The following ADGRL4 variants were observed in gnomAD, a reference collection of about 807,000 sequenced individuals.
ADGRL4 encodes the protein EGF, latrophilin and seven transmembrane domain containing 1.
Under a neutral mutation model 74.8 loss-of-function variants are expected in ADGRL4, and 90 were observed. That is an observed-to-expected ratio of 1.20 (90% CI 1.02 to 1.43). ADGRL4 has a LOEUF of 1.43. Among genes scored for constraint, ADGRL4 ranks in the 40% most tolerant of loss-of-function variants. ADGRL4 has a pLI of 0.00. For synonymous variants in ADGRL4, 311 were observed against 279.2 expected (o/e 1.11, Z -1.14); for missense variants, 881 against 814.3 (o/e 1.08, Z -1.00).
At chr1:78,946,453 A>G in intron 2 of ADGRL4, 27 bp from the exon 3 acceptor site, 2 of 1,550,426 alleles carry the variant, frequency 1.3e-6, no homozygotes, top group Non-Finnish European at 8.8e-7. Context: ...TTAAAAGATT[A>G]TTTTTATATA....
intron 2 of ADGRL4, among the ~76,000 whole-genome samples, chr1:78,979,567 G>A (rs770871793): frequency 2.6e-5 from 4 of 151,868 alleles, no homozygotes; most frequent in Non-Finnish European, 5.9e-5. Context: ...CAAAGGAAAA[G>A]ATGTCATAAT....
rs369275309 is a variant in ADGRL4 at position 78,950,833 on chromosome 1, G to C, written c.173-4407C>G. On this transcript the variant is annotated intron_variant, in intron 2 of 14. Transcript: ENST00000370742. ...GGTTCTGACTTGGAGCGATCTGGTGGATAAATTGATCCACTTACCAGGACA... is the reference window on the plus strand; with the variant it reads ...GGTTCTGACTTGGAGCGATCTGGTGCATAAATTGATCCACTTACCAGGACA... 3.0e-4 allele frequency among the ~76,000 whole-genome samples: 45 copies of C among 152,262 alleles called. No homozygotes were observed. The East Asian group carries it at 4.8e-3, about 16-fold the overall frequency.
At chr1:78,922,624 C>G (rs1254538788) in intron 8 of ADGRL4, among the ~76,000 whole-genome samples, 2 of 151,900 alleles carry the variant, frequency 1.3e-5, no homozygotes, top group Non-Finnish European at 2.9e-5. Flanking sequence ...GAAATAAAAA[C>G]TATTTAGTTA....
At position 78,936,280 on chromosome 1, in the gene ADGRL4, T is replaced by C; in HGVS notation, c.877+15A>G. 1.3e-6 allele frequency: 2 copies of C among 1,583,568 alleles called. No homozygotes were observed. The highest frequency in any genetic ancestry group is 8.6e-7 in the Non-Finnish European group (1 of 1,168,676). On this transcript the variant is annotated intron_variant, in intron 7 of 14. Transcript: ENST00000370742. ...ATTCATTGATATATTGTCTGTTAGA[T>C]TGTTAAAGTCCTACCATTTGAATCA...
chr1:78,932,742 A>G (rs1159844065), intron 7 of ADGRL4, among the ~76,000 whole-genome samples: 1 of 151,414 alleles, frequency 6.6e-6, no homozygotes, highest in African/African-American at 2.5e-5. Flanking sequence ...TAAGGGGGAT[A>G]TCACCACTGA....
intron 3 of ADGRL4, among the ~76,000 whole-genome samples, chr1:78,945,215 C>T (rs1345039197): frequency 3.4e-5 from 5 of 145,886 alleles, no homozygotes; most frequent in Non-Finnish European, 3.0e-5. Flanking sequence ...GGGCACTAAT[C>T]AAAGGCTTTA....
rs114155999 is a variant in ADGRL4 at position 78,920,074 on chromosome 1, A to T, written c.1461+109T>A. The T allele has an allele frequency of 3.8e-3, 2,909 of 772,850 alleles. 60 individuals carry two copies. The African/African-American group carries it at 0.047, about 13-fold the overall frequency. The allele number at this position is 772,850 out of a possible 1,614,324, so 47.9% of individuals were successfully genotyped here. On this transcript the variant is annotated intron_variant, in intron 10 of 14. Transcript: ENST00000370742. ...GATAGCTGAAGAACAAATTATAGAG[A>T]ACGTCTGCCCCATTAAACCCTAAAT...
intron 2 of ADGRL4, among the ~76,000 whole-genome samples, chr1:78,971,633 C>T (rs940511634): frequency 5.3e-5 from 8 of 152,164 alleles, no homozygotes; most frequent in East Asian, 1.9e-4. Flanking sequence ...ATGTCATGGC[C>T]GTGTGGCAAA....
chr1:78,925,330 T>C (rs1649088693), intron 8 of ADGRL4, among the ~76,000 whole-genome samples: 2 of 152,102 alleles, frequency 1.3e-5, no homozygotes, highest in Non-Finnish European at 2.9e-5. Flanking sequence ...ATGGCTTTTC[T>C]AAGCATTAAA....
intron 3 of ADGRL4, among the ~76,000 whole-genome samples, chr1:78,941,561 CCTT>C (rs1557506167): frequency 2.0e-5 from 3 of 151,442 alleles, no homozygotes; most frequent in African/African-American, 7.3e-5. Flanking sequence ...TTCAATCCCC[CCTT>C]TTTTTTTTAA....
chr1:78,980,033 T>C (rs1259977320), intron 2 of ADGRL4, among the ~76,000 whole-genome samples: 2 of 151,934 alleles, frequency 1.3e-5, no homozygotes, highest in East Asian at 1.9e-4. Flanking sequence ...CCCAAAACTA[T>C]TGAAATAAAA....
chr1:78,950,950 T>C (rs1459353617), intron 2 of ADGRL4, among the ~76,000 whole-genome samples: 1 of 152,160 alleles, frequency 6.6e-6, no homozygotes, highest in African/African-American at 2.4e-5. Context: ...ACTGAGGACA[T>C]TTCAGAAGAC....
At chr1:78,984,786 G>T (rs1208305882) in intron 2 of ADGRL4, among the ~76,000 whole-genome samples, 1 of 151,702 alleles carries the variant, frequency 6.6e-6, no homozygotes, top group Admixed American at 6.6e-5. Context: ...AGAATCTATA[G>T]TGAAAATAAC....
Position 79,005,218 on chromosome 1 carries a change from C to T in ADGRL4, c.24G>A (p.Val8=), listed in dbSNP as rs558553219. The change falls in exon 2 of 15, where the codon GTG becomes GTA. Residue 8 remains valine (V), a splice_region_variant and synonymous_variant. Transcript: ENST00000370742. ...AACAATTCAACAAAGTGGAAAAAAC[C>T]ACTAAATAAAATAGAGAAATACACC... MKRLPLL[V]VFSTLLNCSY... The T allele has an allele frequency of 2.0e-5, 32 of 1,601,700 alleles. 1 individual carries two copies. The South Asian group carries it at 2.9e-4, about 15-fold the overall frequency.
intron 2 of ADGRL4, among the ~76,000 whole-genome samples, chr1:78,953,168 GA>G (rs1239421364): frequency 1.3e-5 from 2 of 152,090 alleles, no homozygotes; most frequent in Non-Finnish European, 2.9e-5. Context: ...TGGAGATATG[GA>G]AAATTCTGAC....
intron 12 of ADGRL4, among the ~76,000 whole-genome samples, chr1:78,912,579 G>A (rs771547679): frequency 2.0e-5 from 3 of 151,700 alleles, no homozygotes; most frequent in Non-Finnish European, 4.4e-5. Flanking sequence ...TGGAAAAATC[G>A]TCTTCCACAA....
intron 7 of ADGRL4, among the ~76,000 whole-genome samples, chr1:78,935,240 T>G (rs544957369): frequency 6.6e-6 from 1 of 152,220 alleles, no homozygotes; most frequent in South Asian, 2.1e-4. Context: ...AGGAAAGAGA[T>G]CATGTCTTTG....
chr1:78,970,440 C>T (rs1465412917), intron 2 of ADGRL4, among the ~76,000 whole-genome samples: 1 of 152,136 alleles, frequency 6.6e-6, no homozygotes, highest in Non-Finnish European at 1.5e-5. Flanking sequence ...GGGATAGAGA[C>T]ATAGGTGAGA....
chr1:78,971,467 G>A (rs958295701), intron 2 of ADGRL4, among the ~76,000 whole-genome samples: 1 of 152,044 alleles, frequency 6.6e-6, no homozygotes, highest in South Asian at 2.1e-4. Flanking sequence ...CCCTTTGCAG[G>A]GGGGAAAAGC....
Sources: gnomAD v4.1 joint callset for allele counts (sites outside exome capture counted in the v4.1 genomes callset) on GRCh38, gnomAD v4.1.1 for gene constraint, MANE v1.5 for transcripts, NCBI Gene and HGNC (gene_info 2026-07-23, HGNC 2026-07-21) for gene names.